Variants in LRP2 observed in about 807,000 individuals in gnomAD.
The protein encoded by LRP2 is low-density lipoprotein receptor-related protein 2.
LRP2 carries 172 observed loss-of-function variants against 531.0 expected under a neutral mutation model. The ratio of observed to expected loss-of-function variants is 0.32; its 90% CI spans 0.29 to 0.37. The LOEUF (loss-of-function observed/expected upper bound fraction) is 0.37, where lower values mean the gene tolerates loss of function less well. Ranked by LOEUF, LRP2 falls within the 10% of genes least tolerant of loss-of-function variation. The pLI is 1.00. For synonymous variants in LRP2, 1,992 were observed against 2,027.6 expected (o/e 0.98, Z 0.47); for missense variants, 5,167 against 5,868.3 (o/e 0.88, Z 3.90).
chr2:169,294,657 T>C lies in LRP2; in HGVS notation c.481A>G (p.Ser161Gly), dbSNP rs1408188169. 1.2e-6 allele frequency: 2 copies of C among 1,607,928 alleles called. No individual in the cohort carries two copies. Among genetic ancestry groups the C allele is most frequent in the Admixed American group, 1.7e-5 (1 of 58,942 alleles). The change falls in exon 5 of 79, where the codon AGT (serine) becomes GGT (glycine). Residue 161 changes from serine to glycine, a missense_variant. Ser to Gly is a moderately conservative substitution (Grantham distance 56). Transcript: ENST00000649046. The stretch of plus-strand genomic sequence containing the variant: ...TCAACTTTCCAATCACACTTCTGAC[T>C]GGTGTTATAGCAGGCCCCATTGTCA... ...TCDNGACYNT[S>G]QKCDWKVDCR...
At chr2:169,132,084 A>G (rs527992717) in intron 77 of LRP2, among the ~76,000 whole-genome samples, 66 of 152,340 alleles carry the variant, frequency 4.3e-4, no homozygotes, top group Non-Finnish European at 7.9e-4. Flanking sequence ...TGGTTGGCCA[A>G]TAATGAATAG....
chr2:169,198,339 A>G (rs62172608), intron 45 of LRP2, among the ~76,000 whole-genome samples: 4,875 of 152,270 alleles, frequency 0.032, 123 homozygotes, highest in South Asian at 0.095. Flanking sequence ...GCTTGAGCAC[A>G]GGAGGCAGAG....
intron 16 of LRP2, among the ~76,000 whole-genome samples, chr2:169,259,448 T>C (rs1322619320): frequency 2.6e-5 from 4 of 151,732 alleles, no homozygotes; most frequent in Non-Finnish European, 5.9e-5. Context: ...AGAGTAGATA[T>C]GATACTGACA....
At chr2:169,172,256 G>A (rs1453029142) in intron 57 of LRP2, 122 bp from the exon 58 acceptor site, 2 of 1,137,744 alleles carry the variant, frequency 1.8e-6, no homozygotes, top group Admixed American at 1.9e-5. Context: ...CTCCCAAAGA[G>A]AGGAATGCCA....
At chr2:169,181,890 G>A (rs527641348) in intron 51 of LRP2, among the ~76,000 whole-genome samples, 2 of 152,276 alleles carry the variant, frequency 1.3e-5, no homozygotes, top group East Asian at 1.9e-4. Context: ...TAAAGAAATC[G>A]GTTTTCTGAA....
chr2:169,225,500 C>T (rs1455184844), intron 32 of LRP2, 47 bp from the exon 33 acceptor site: 2 of 1,610,198 alleles, frequency 1.2e-6, no homozygotes, highest in South Asian at 1.1e-5. Context: ...GGCCATGGCT[C>T]CTACAAAAGA....
intron 70 of LRP2, among the ~76,000 whole-genome samples, chr2:169,145,202 C>T (rs575505840): frequency 1.4e-4 from 22 of 152,302 alleles, no homozygotes; most frequent in Non-Finnish European, 2.2e-4. Flanking sequence ...TCATCTTGCT[C>T]CACACACTGC....
At chr2:169,247,337 C>T in intron 20 of LRP2, 41 bp downstream of exon 20, 1 of 1,609,000 alleles carries the variant, frequency 6.2e-7, no homozygotes, top group Non-Finnish European at 8.5e-7. Flanking sequence ...AATAAATAAA[C>T]CCATACAAAA....
At chr2:169,175,085 C>T in intron 55 of LRP2, 108 bp downstream of exon 55, 1 of 1,041,966 alleles carries the variant, frequency 9.6e-7, no homozygotes, top group Admixed American at 1.9e-5. Flanking sequence ...CCTTCTAGGA[C>T]TTTGAACTGG....
rs770710407 is a variant in LRP2 at position 169,307,382 on chromosome 2, G to A, written c.326C>T (p.Ser109Leu). 6.2e-7 allele frequency: 1 copy of A among 1,609,304 alleles called. No individual in the cohort carries two copies. The highest frequency in any genetic ancestry group is 1.1e-5 in the South Asian group (1 of 90,952). Reference protein sequence around the residue: ...ERQDCSQSTCSSHQITCSNGQ... With the variant: ...ERQDCSQSTCLSHQITCSNGQ... ...ATTGGAGCATGTTATCTGATGACTT[G>A]AGCATGTACTTTGTGCTGCGAAGAG... Residue 109 changes from serine (S) to leucine (L), a missense_variant, in exon 4 of 79, where the codon TCA becomes TTA. Transcript: ENST00000649046.
chr2:169,257,324 CAG>C (rs1374041134), intron 17 of LRP2, 75 bp from the exon 18 acceptor site: 9 of 1,480,412 alleles, frequency 6.1e-6, no homozygotes, highest in African/African-American at 4.2e-5. Context: ...TTAGAACAAA[CAG>C]AGATTCTCCA....
intron 4 of LRP2, among the ~76,000 whole-genome samples, chr2:169,303,488 T>C (rs1427914162): frequency 1.3e-5 from 2 of 152,112 alleles, no homozygotes; most frequent in Non-Finnish European, 2.9e-5. Context: ...CCTTTCCCAC[T>C]TTCCACAAGA....
rs116027476 is a variant in LRP2 at position 169,282,197 on chromosome 2, G to A, written c.1171+676C>T. ...CAGTCATGGGAGCAGTTAAGTTTCA[G>A]AAGACACCAAAGACACTTCAAAATC... is the stretch of plus-strand genomic sequence containing the variant. On this transcript the variant is annotated intron_variant, in intron 10 of 78. Coordinates refer to ENST00000649046, the MANE Select transcript of LRP2 (RefSeq NM_004525.3). 2.7e-3 allele frequency among the ~76,000 whole-genome samples: 415 copies of A among 152,306 alleles called. 3 individuals carry two copies. Among genetic ancestry groups the A allele is most frequent in the Non-Finnish European group, 4.2e-3 (289 of 68,018 alleles).
In LRP2 at chr2:169,209,494, C is replaced by T; in HGVS notation, c.6428G>A (p.Gly2143Glu). The T allele has an allele frequency of 1.2e-6, 2 of 1,614,164 alleles. No homozygotes were observed. Among genetic ancestry groups the T allele is most frequent in the Non-Finnish European group, 1.7e-6 (2 of 1,180,002 alleles). ...TGCAATACCCCGGACTCCATTTTCTCCTATTCCATGTGTCACAATGTTCAT... is the reference window on the plus strand; with the variant it reads ...TGCAATACCCCGGACTCCATTTTCTTCTATTCCATGTGTCACAATGTTCAT... Reference protein sequence around the residue: ...SLMNIVTHGIGENGVRGIAVD... With the variant: ...SLMNIVTHGIEENGVRGIAVD... The change falls in exon 38 of 79, where the codon GGA becomes GAA. Residue 2143 changes from glycine (G) to glutamate (E), a missense_variant. By Grantham distance (98) the Gly-to-Glu change is moderately conservative. Coordinates refer to ENST00000649046, the MANE Select transcript of LRP2 (RefSeq NM_004525.3).
intron 22 of LRP2, among the ~76,000 whole-genome samples, chr2:169,244,259 T>C (rs1689919963): frequency 1.3e-5 from 2 of 152,172 alleles, no homozygotes; most frequent in Non-Finnish European, 2.9e-5. Flanking sequence ...GTGGATAAGA[T>C]CAAAGGAAAT....
At chr2:169,298,849 G>T (rs935146906) in intron 4 of LRP2, among the ~76,000 whole-genome samples, 2 of 151,632 alleles carry the variant, frequency 1.3e-5, no homozygotes, top group African/African-American at 4.8e-5. Flanking sequence ...GTCTCATGAA[G>T]GTACCACCAC....
chr2:169,316,616 G>A (rs996616069), intron 3 of LRP2, among the ~76,000 whole-genome samples: 1 of 152,136 alleles, frequency 6.6e-6, no homozygotes, highest in Non-Finnish European at 1.5e-5. Context: ...GGGACACCTT[G>A]AGTTCAAGGC....
chr2:169,185,357 G>C, intron 50 of LRP2, 146 bp downstream of exon 50: 1 of 717,344 alleles, frequency 1.4e-6, no homozygotes, highest in Non-Finnish European at 2.3e-6. Context: ...TTGAATATCA[G>C]ATACAAAGCA....
At chr2:169,211,923 G>T in intron 37 of LRP2, 45 bp downstream of exon 37, 1 of 1,612,652 alleles carries the variant, frequency 6.2e-7, no homozygotes, top group South Asian at 1.1e-5. Context: ...ATTTCAACCT[G>T]GTGCCAGATG....
Sources: gnomAD v4.1 joint callset for allele counts (sites outside exome capture counted in the v4.1 genomes callset) on GRCh38, gnomAD v4.1.1 for gene constraint, MANE v1.5 for transcripts, NCBI Gene and HGNC (gene_info 2026-07-23, HGNC 2026-07-21) for gene names.